ERBB2: variants seen among roughly 807,000 people sequenced by gnomAD.
The protein encoded by ERBB2 is erb-b2 receptor tyrosine kinase 2.
ERBB2 carries 61 observed loss-of-function variants against 149.0 expected under a neutral mutation model. That is an observed-to-expected ratio of 0.41 (90% CI 0.33 to 0.51). ERBB2 has a LOEUF of 0.51. Ranked by LOEUF, ERBB2 falls within the 20% of genes least tolerant of loss-of-function variation. ERBB2 has a pLI of 0.25. For missense variants in ERBB2, 1,205 were observed against 1,655.1 expected (o/e 0.73, Z 4.72); for synonymous variants, 633 against 678.8 (o/e 0.93, Z 1.05).
In ERBB2 at chr17:39,725,753, T is replaced by C. The variant is rs1455756168; in HGVS notation, c.2772T>C (p.Asp924=). 2 of 1,613,678 alleles carry C rather than the reference T, an allele frequency of 1.2e-6. No homozygotes were observed. The highest frequency in any genetic ancestry group is 8.5e-7 in the Non-Finnish European group (1 of 1,179,870). ...ELMTFGAKPY[D]GIPAREIPDL... ...TGACTTTTGGGGCCAAACCTTACGA[T>C]GGGATCCCAGCCCGGGAGATCCCTG... Residue 924 remains aspartate (D), a synonymous_variant, in exon 23 of 27, where the codon GAT becomes GAC. Coordinates refer to ENST00000269571, the MANE Select transcript of ERBB2 (RefSeq NM_004448.4). The surrounding 1 kb of genome is among the most constrained non-coding windows in gnomAD (Gnocchi z 4.6).
In ERBB2 at chr17:39,726,688, C is replaced by A. The variant is rs2143147826; in HGVS notation, c.2970+29C>A. 1 of 1,607,794 alleles carries A rather than the reference C, an allele frequency of 6.2e-7. No individual in the cohort carries two copies. Among genetic ancestry groups the A allele is most frequent in the Non-Finnish European group, 8.5e-7 (1 of 1,174,152 alleles). On this transcript the variant is annotated intron_variant, in intron 24 of 26. Transcript: ENST00000269571. The surrounding 1 kb of genome is among the most constrained non-coding windows in gnomAD (Gnocchi z 5.1). ...CTGGGCCTCTGTGCCCCATCCCTGC[C>A]TGTGGCTAAGAGCACCCTCCTGCAG...
Position 39,712,456 on chromosome 17 carries a change from T to C in ERBB2, c.1148+8T>C, listed in dbSNP as rs2145580744. The C allele has an allele frequency of 6.2e-7, 1 of 1,612,954 alleles. No individual in the cohort carries two copies. Among genetic ancestry groups the C allele is most frequent in the Non-Finnish European group, 8.5e-7 (1 of 1,179,520 alleles). Reference sequence around the variant, plus strand: ...GCCGGAGAGCTTTGATGGGTAAGAGTGGGCACGATGACCTGAGACAGTGTC... The same window carrying C: ...GCCGGAGAGCTTTGATGGGTAAGAGCGGGCACGATGACCTGAGACAGTGTC... On this transcript the variant is annotated splice_region_variant and intron_variant, in intron 9 of 26. Transcript: ENST00000269571.
chr17:39,727,456 C>A lies in ERBB2; in HGVS notation c.3321C>A (p.Ser1107Arg), dbSNP rs2059839222. ...AAAGCCTCCCCACACATGACCCCAGCCCTCTACAGCGGTACAGTGAGGACC... is the reference window on the plus strand; with the variant it reads ...AAAGCCTCCCCACACATGACCCCAGACCTCTACAGCGGTACAGTGAGGACC... ...GLQSLPTHDP[S>R]PLQRYSEDPT... The change falls in exon 26 of 27, where the codon AGC becomes AGA. Residue 1107 changes from serine (S) to arginine (R), a missense_variant. Transcript: ENST00000269571. This position sits in a 1 kb window ranked among gnomAD's most constrained non-coding sequence, Gnocchi z 4.3. The A allele has an allele frequency of 6.2e-7, 1 of 1,610,654 alleles. No individual in the cohort carries two copies. The highest frequency in any genetic ancestry group is 1.1e-5 in the South Asian group (1 of 90,624).
Position 39,726,177 on chromosome 17 carries a change from TA to T in ERBB2, c.2872+331del. 2.6e-6 allele frequency: 1 copy of T among 387,766 alleles called. No individual in the cohort carries two copies. Among genetic ancestry groups the T allele is most frequent in the East Asian group, 5.1e-5 (1 of 19,548 alleles). The allele number at this position is 387,766 out of a possible 1,614,324, so 24.0% of individuals were successfully genotyped here. A position where few individuals can be genotyped will look rare whatever the true frequency, so the allele number is the denominator to read the frequency against. Reference sequence around the variant, plus strand: ...AGTGAGATCCTATCTCTACAAAAAATAAAAAAATTATCTGGGTGTGGTGGTG... The same window carrying T: ...AGTGAGATCCTATCTCTACAAAAAATAAAAAATTATCTGGGTGTGGTGGTG... On this transcript the variant is annotated intron_variant, in intron 23 of 26. Coordinates refer to ENST00000269571, the MANE Select transcript of ERBB2 (RefSeq NM_004448.4). The surrounding 1 kb of genome is among the most constrained non-coding windows in gnomAD (Gnocchi z 5.1).
chr17:39,715,385 C>G (rs2145634749), intron 10 of ERBB2, 26 bp downstream of exon 10: 1 of 1,613,154 alleles, frequency 6.2e-7, no homozygotes, highest in Non-Finnish European at 8.5e-7. Context: ...GCATCCTGTT[C>G]TGCAGGGGCT....
At chr17:39,693,466 T>C (rs1409844591), upstream of ERBB2, 1 of 152,206 alleles carries the variant, frequency 6.6e-6, no homozygotes, top group Non-Finnish European at 1.5e-5. Context: ...ATAAGTATTC[T>C]GGTAAACAGT....
chr17:39,704,494 A>G (rs2145351133), intron 1 of ERBB2, among the ~76,000 whole-genome samples: 1 of 151,948 alleles, frequency 6.6e-6, no homozygotes, highest in South Asian at 2.1e-4. Flanking sequence ...AATTGCTTGA[A>G]CCCGGGAGGC....
Position 39,700,083 on chromosome 17 carries a change from G to T in ERBB2, c.-156G>T. 2 of 1,273,434 alleles carry T rather than the reference G, an allele frequency of 1.6e-6. No individual in the cohort carries two copies. Among genetic ancestry groups the T allele is most frequent in the Non-Finnish European group, 2.0e-6 (2 of 1,013,260 alleles). 78.9% of individuals were successfully genotyped at this position (1,273,434 alleles called of 1,614,324 possible). On this transcript the variant is annotated 5_prime_UTR_variant, in exon 1 of 27. Transcript: ENST00000269571. ...GAGATTCCCCTCCATTGGGACCGGA[G>T]AAACCAGGGGAGCCCCCCGGGCAGC... is the stretch of plus-strand genomic sequence containing the variant.
In ERBB2 at chr17:39,723,791, A is replaced by G. The variant is rs2059581004; in HGVS notation, c.2209-121A>G. On this transcript the variant is annotated intron_variant, in intron 18 of 26. Coordinates refer to ENST00000269571, the MANE Select transcript of ERBB2 (RefSeq NM_004448.4). The surrounding 1 kb of genome is among the most constrained non-coding windows in gnomAD (Gnocchi z 6.2). ...TGGGGGAGGGCAGTTACAGCGGAGA[A>G]GGGAGCGGGGCCAAGCCCTAGGGTG... 1 of 1,496,248 alleles carries G rather than the reference A, an allele frequency of 6.7e-7. No homozygotes were observed. Among genetic ancestry groups the G allele is most frequent in the Non-Finnish European group, 9.1e-7 (1 of 1,097,714 alleles). 92.7% of individuals were successfully genotyped at this position (1,496,248 alleles called of 1,614,324 possible).
At chr17:39,716,194 G>A in intron 12 of ERBB2, 107 bp from the exon 13 acceptor site, 1 of 1,283,696 alleles carries the variant, frequency 7.8e-7, no homozygotes, top group Non-Finnish European at 1.1e-6. Context: ...GGCCCCACCT[G>A]TCCCCACCCC....
At position 39,708,411 on chromosome 17, in the gene ERBB2, C is replaced by G. The variant is rs1395467940; in HGVS notation, c.316C>G (p.Gln106Glu). Residue 106 changes from glutamine to glutamate, a missense_variant, in exon 3 of 27, where the codon CAG (glutamine) becomes GAG (glutamate). Gln to Glu is a conservative substitution (Grantham distance 29). Coordinates refer to ENST00000269571, the MANE Select transcript of ERBB2 (RefSeq NM_004448.4). ...LQRLRIVRGT[Q>E]LFEDNYALAV... The stretch of plus-strand genomic sequence containing the variant: ...GAGGCTGCGGATTGTGCGAGGCACC[C>G]AGCTCTTTGAGGACAACTATGCCCT... 1.2e-6 allele frequency: 2 copies of G among 1,614,066 alleles called. No individual in the cohort carries two copies. Among genetic ancestry groups the G allele is most frequent in the Non-Finnish European group, 1.7e-6 (2 of 1,180,028 alleles).
upstream of ERBB2, among the ~76,000 whole-genome samples, chr17:39,694,271 GT>G (rs2057802211): frequency 3.8e-5 from 1 of 26,654 alleles, no homozygotes; most frequent in African/African-American, 1.0e-4. Context: ...ATATATATGT[GT>G]GTATATATAT....
intron 1 of ERBB2, 80 bp from the exon 2 acceptor site, chr17:39,706,910 G>A (rs747184839): frequency 2.2e-6 from 3 of 1,383,702 alleles, no homozygotes; most frequent in Non-Finnish European, 2.9e-6. Context: ...GGCATGACTT[G>A]GAGTGAGTTT....
rs2143149729 is a variant in ERBB2, at chr17:39,726,699, A to T, written c.2970+40A>T. The T allele has an allele frequency of 6.2e-7, 1 of 1,601,228 alleles. No individual in the cohort carries two copies. Among genetic ancestry groups the T allele is most frequent in the East Asian group, 2.2e-5 (1 of 44,816 alleles). ...TGCCCCATCCCTGCCTGTGGCTAAG[A>T]GCACCCTCCTGCAGAGGGTGGGAAG... On this transcript the variant is annotated intron_variant, in intron 24 of 26. Transcript: ENST00000269571. The surrounding 1 kb of genome is among the most constrained non-coding windows in gnomAD (Gnocchi z 5.1).
upstream of ERBB2, among the ~76,000 whole-genome samples, chr17:39,694,259 ATATATATATG>A (rs1330622701): frequency 9.9e-4 from 28 of 28,268 alleles, 1 homozygote; most frequent in Admixed American, 2.2e-3. Flanking sequence ...ATATATATAT[ATATATATATG>A]TGTGTATATA....
At chr17:39,719,699 C>A in intron 15 of ERBB2, 88 bp from the exon 16 acceptor site, 1 of 1,362,044 alleles carries the variant, frequency 7.3e-7, no homozygotes, top group Non-Finnish European at 1.1e-6. Context: ...GACCCAGCCA[C>A]ACCCCTCCCA....
rs112342154 is a variant in ERBB2 at position 39,719,706 on chromosome 17, C to A, written c.1899-81C>A. 10 of 1,438,920 alleles carry A rather than the reference C, an allele frequency of 6.9e-6. No homozygotes were observed. In the African/African-American group the frequency reaches 9.8e-5, roughly 14 times the overall value. The allele number at this position is 1,438,920 out of a possible 1,614,324, so 89.1% of individuals were successfully genotyped here. On this transcript the variant is annotated intron_variant, in intron 15 of 26. Transcript: ENST00000269571. ...GGGATAATGACCCAGCCACACCCCT[C>A]CCAGGGTTGTTGTGAGGCTGGAAAG... is the stretch of plus-strand genomic sequence containing the variant.
At chr17:39,695,847 G>A (rs2057852503), upstream of ERBB2, among the ~76,000 whole-genome samples, 1 of 151,952 alleles carries the variant, frequency 6.6e-6, no homozygotes, top group African/African-American at 2.4e-5. Context: ...TGTTGACTTA[G>A]AGGTCACCCT....
rs749539903 is a variant in ERBB2 at position 39,726,987 on chromosome 17, G to A, written c.3143G>A (p.Arg1048His). The A allele has an allele frequency of 1.9e-6, 3 of 1,601,480 alleles. No individual in the cohort carries two copies. Among genetic ancestry groups the A allele is most frequent in the African/African-American group, 1.3e-5 (1 of 74,678 alleles). The change falls in exon 25 of 27, where the codon CGC becomes CAC. Residue 1048 changes from arginine (R) to histidine (H), a missense_variant. Physicochemically the swap from Arg to His is conservative, Grantham distance 29 (BLOSUM62 0). Transcript: ENST00000269571. The surrounding 1 kb of genome is among the most constrained non-coding windows in gnomAD (Gnocchi z 5.1). ...GAGGMVHHRHRSSSTRSGGGD... is the reference protein window; with the variant it reads ...GAGGMVHHRHHSSSTRSGGGD... ...GGGGGCATGGTCCACCACAGGCACC[G>A]CAGCTCATCTACCAGGGTCAGTGCC... is the stretch of plus-strand genomic sequence containing the variant.
Sources: allele counts gnomAD v4.1 joint callset (sites outside exome capture counted in the v4.1 genomes callset), GRCh38; gene constraint gnomAD v4.1.1; non-coding constraint Gnocchi (gnomAD v3.1); transcripts MANE v1.5; gene names NCBI Gene and HGNC (gene_info 2026-07-23, HGNC 2026-07-21).